The following EFCAB6 variants were observed in gnomAD, a reference collection of about 807,000 sequenced individuals.
EFCAB6 encodes the protein EF-hand calcium binding domain 6.
In EFCAB6, 156 loss-of-function variants were observed where a neutral mutation model predicts 169.8. That is an observed-to-expected ratio of 0.92 (90% CI 0.81 to 1.05). The LOEUF is 1.05. EFCAB6 is among the 50% of genes least tolerant of loss of function. EFCAB6 has a pLI of 0.00. For missense variants in EFCAB6, 1,800 were observed against 1,829.1 expected (o/e 0.98, Z 0.29); for synonymous variants, 698 against 676.4 (o/e 1.03, Z -0.50).
chr22:43,624,045 T>C (rs1340594152), intron 20 of EFCAB6, among the ~76,000 whole-genome samples: 1 of 152,146 alleles, frequency 6.6e-6, no homozygotes, highest in South Asian at 2.1e-4. Context: ...TGAGCTCAAA[T>C]CCCTGCCCCA....
Position 43,797,990 on chromosome 22 carries a change from A to G in EFCAB6, c.-8+11005T>C, listed in dbSNP as rs560976034. ...TCTCCTAACAATCAATGGTTCTCACACTTGAGTGGACATCAGGATCACCTG... is the reference window on the plus strand; with the variant it reads ...TCTCCTAACAATCAATGGTTCTCACGCTTGAGTGGACATCAGGATCACCTG... On this transcript the variant is annotated intron_variant, in intron 2 of 31. Transcript: ENST00000262726. Among the ~76,000 whole-genome samples the G allele has an allele frequency of 2.6e-5, 4 of 152,224 alleles. No individual in the cohort carries two copies. The East Asian group carries it at 7.7e-4, about 29-fold the overall frequency.
At chr22:43,618,646 T>C (rs776545760) in intron 20 of EFCAB6, among the ~76,000 whole-genome samples, 3 of 152,136 alleles carry the variant, frequency 2.0e-5, no homozygotes, top group Non-Finnish European at 4.4e-5. Context: ...GCAGCAGATG[T>C]GAACAGAAAA....
chr22:43,635,061 C>T (rs1434798129), intron 18 of EFCAB6, 41 bp downstream of exon 18: 4 of 1,547,550 alleles, frequency 2.6e-6, no homozygotes, highest in South Asian at 2.2e-5. Context: ...CAGTGTCACC[C>T]AGGACGCATC....
rs569679439 is a variant in EFCAB6, at chr22:43,741,979, A to G, written c.508-5986T>C. 1.5e-4 allele frequency among the ~76,000 whole-genome samples: 23 copies of G among 152,156 alleles called. No individual in the cohort carries two copies. In the South Asian group the frequency reaches 3.8e-3, roughly 25 times the overall value. Reference sequence around the variant, plus strand: ...AGTACTCAGAGAGCCAAATCCACCAAGAGAGGGAAAAACCGCTGAACCGGT... The same window carrying G: ...AGTACTCAGAGAGCCAAATCCACCAGGAGAGGGAAAAACCGCTGAACCGGT... On this transcript the variant is annotated intron_variant, in intron 6 of 31. Transcript: ENST00000262726.
chr22:43,804,638 G>A (rs984522310), intron 2 of EFCAB6, among the ~76,000 whole-genome samples: 2 of 151,842 alleles, frequency 1.3e-5, no homozygotes, highest in South Asian at 2.1e-4. Context: ...GTGGTGGCAC[G>A]CACCTGCAGT....
chr22:43,600,727 G>A (rs559595569), intron 22 of EFCAB6, among the ~76,000 whole-genome samples: 2 of 152,142 alleles, frequency 1.3e-5, no homozygotes, highest in East Asian at 1.9e-4. Flanking sequence ...ACAGTGGTGC[G>A]AGCTGGGCTC....
At chr22:43,694,293 T>C (rs2058499880) in intron 10 of EFCAB6, among the ~76,000 whole-genome samples, 1 of 152,082 alleles carries the variant, frequency 6.6e-6, no homozygotes, top group African/African-American at 2.4e-5. Context: ...AATAATTCTA[T>C]ATTAACTTTC....
intron 17 of EFCAB6, among the ~76,000 whole-genome samples, chr22:43,637,637 G>C (rs1290391000): frequency 6.6e-6 from 1 of 152,178 alleles, no homozygotes; most frequent in Non-Finnish European, 1.5e-5. Context: ...GGCAACGCAG[G>C]AGTACAAGGC....
chr22:43,650,089 G>C (rs369501681), intron 17 of EFCAB6, among the ~76,000 whole-genome samples: 2 of 152,154 alleles, frequency 1.3e-5, no homozygotes, highest in African/African-American at 4.8e-5. Context: ...AGAAGCAAAA[G>C]GGATTTTTTG....
chr22:43,728,112 G>A (rs1011991117), intron 8 of EFCAB6, among the ~76,000 whole-genome samples: 1 of 151,514 alleles, frequency 6.6e-6, no homozygotes, highest in Non-Finnish European at 1.5e-5. Flanking sequence ...CCCTCCCTAT[G>A]TCCATGTGTT....
In EFCAB6 at chr22:43,668,897, G is replaced by A. The variant is rs906641627; in HGVS notation, c.1789C>T (p.Gln597Ter). 6.2e-7 allele frequency: 1 copy of A among 1,607,280 alleles called. No individual in the cohort carries two copies. Among genetic ancestry groups the A allele is most frequent in the Non-Finnish European group, 8.5e-7 (1 of 1,176,928 alleles). The change falls in exon 16 of 32, where the codon CAG (glutamine) becomes TAG (stop). Residue 597 changes from glutamine to a stop codon, truncating the protein, a stop_gained. Coordinates refer to ENST00000262726, the MANE Select transcript of EFCAB6 (RefSeq NM_022785.4). LOFTEE classifies it high-confidence loss of function. ...CTCTCAGAAAGATCTGGCTGCTGCT[G>A]TTCATCTTTTTGTAAATGTTCACTT... The part of the protein sequence containing the change: ...LLSEHLQKDE[Q>*]QQPDLSERTK...
At chr22:43,568,390 A>C (rs1431505197) in intron 26 of EFCAB6, among the ~76,000 whole-genome samples, 1 of 152,230 alleles carries the variant, frequency 6.6e-6, no homozygotes, top group Admixed American at 6.5e-5. Context: ...GCTTCTTGAT[A>C]GGATCATGAC....
chr22:43,710,306 A>G (rs2059115302), intron 10 of EFCAB6, among the ~76,000 whole-genome samples: 1 of 152,248 alleles, frequency 6.6e-6, no homozygotes, highest in Admixed American at 6.5e-5. Flanking sequence ...CTATCTGGTC[A>G]CATCAACAGG....
chr22:43,754,882 G>C (rs948972114), intron 6 of EFCAB6, among the ~76,000 whole-genome samples: 8 of 152,138 alleles, frequency 5.3e-5, no homozygotes, highest in Admixed American at 1.3e-4. Flanking sequence ...TAACAAATGG[G>C]TCACAGCAAA....
intron 4 of EFCAB6, among the ~76,000 whole-genome samples, chr22:43,766,470 G>C (rs1325611064): frequency 6.6e-6 from 1 of 152,160 alleles, no homozygotes; most frequent in African/African-American, 2.4e-5. Flanking sequence ...ATCTCAATGA[G>C]GGTATATGGG....
At chr22:43,556,796 T>C (rs1362574690) in intron 26 of EFCAB6, among the ~76,000 whole-genome samples, 1 of 152,228 alleles carries the variant, frequency 6.6e-6, no homozygotes, top group East Asian at 1.9e-4. Context: ...ATGCAAAGGC[T>C]AACGGAGCTT....
Position 43,687,464 on chromosome 22 carries a change from T to TTTTTC in EFCAB6, c.1142+6_1142+7insGAAAA. The TTTTTC allele has an allele frequency of 7.0e-7, 1 of 1,422,236 alleles. No individual in the cohort carries two copies. The highest frequency in any genetic ancestry group is 9.6e-7 in the Non-Finnish European group (1 of 1,046,342). 88.1% of individuals were successfully genotyped at this position (1,422,236 alleles called of 1,614,324 possible). ...TAAAATTTGTTTTTTTTTTTTTTTT[T>TTTTTC]ACATACCTATTTCTTTTTGTCAGGG... On this transcript the variant is annotated splice_region_variant and intron_variant, in intron 11 of 31. Coordinates refer to ENST00000262726, the MANE Select transcript of EFCAB6 (RefSeq NM_022785.4).
intron 3 of EFCAB6, among the ~76,000 whole-genome samples, chr22:43,781,723 A>T (rs1419577429): frequency 6.6e-6 from 1 of 152,070 alleles, no homozygotes; most frequent in Non-Finnish European, 1.5e-5. Context: ...AAGTAAAAAT[A>T]ATGTTATCAG....
At chr22:43,740,933 C>A (rs994488805) in intron 6 of EFCAB6, among the ~76,000 whole-genome samples, 4 of 152,174 alleles carry the variant, frequency 2.6e-5, no homozygotes, top group Admixed American at 2.6e-4. Context: ...GGATCTCTAG[C>A]GTGAGCACCG....
Sources: gnomAD v4.1 joint callset for allele counts (sites outside exome capture counted in the v4.1 genomes callset) on GRCh38, gnomAD v4.1.1 for gene constraint, MANE v1.5 for transcripts, NCBI Gene and HGNC (gene_info 2026-07-23, HGNC 2026-07-21) for gene names.